The following NR3C2 variants were observed in gnomAD, a reference collection of about 807,000 sequenced individuals.
NR3C2 encodes the protein nuclear receptor subfamily 3 group C member 2.
Under a neutral mutation model 86.4 loss-of-function variants are expected in NR3C2, and 15 were observed. The observed-to-expected ratio is 0.17, with a 90% CI of 0.12 to 0.27. The LOEUF is 0.27. Among genes scored for constraint, NR3C2 ranks in the 10% least tolerant of loss-of-function variants. The pLI is 1.00. For synonymous variants in NR3C2, 458 were observed against 450.5 expected, an observed-to-expected ratio of 1.02 and a Z score of -0.21; for missense variants, 960 against 1,195.6, an observed-to-expected ratio of 0.80 and a Z score of 2.91.
chr4:148,390,777 C>T (rs1420799585), intron 2 of NR3C2, among the ~76,000 whole-genome samples: 2 of 152,162 alleles, frequency 1.3e-5, no homozygotes, highest in Non-Finnish European at 2.9e-5. Flanking sequence ...CAGATTTTGA[C>T]AGGCCCCAAA....
chr4:148,366,830 C>A (rs181551237), intron 2 of NR3C2, among the ~76,000 whole-genome samples: 2 of 152,178 alleles, frequency 1.3e-5, no homozygotes, highest in South Asian at 4.1e-4. Flanking sequence ...GCTATCATAA[C>A]AATAACATGA....
intron 8 of NR3C2, among the ~76,000 whole-genome samples, chr4:148,093,507 C>T (rs2149711324): frequency 6.6e-6 from 1 of 152,340 alleles, no homozygotes; most frequent in East Asian, 1.9e-4. Flanking sequence ...TCCAGAATGT[C>T]TACCTAATTG....
At position 148,264,317 on chromosome 4, in the gene NR3C2, T is replaced by C. The variant is rs72655247; in HGVS notation, c.1758-4200A>G. ...AAAAGATGGCACATGGTTGGAAAAT[T>C]GTTTGCATCCAGTTTTAAGAAACAC... On this transcript the variant is annotated intron_variant, in intron 2 of 8. Transcript: ENST00000358102. Among the ~76,000 whole-genome samples the C allele has an allele frequency of 5.3e-5, 8 of 152,334 alleles. No homozygotes were observed. In the East Asian group the frequency reaches 9.6e-4, roughly 18 times the overall value.
chr4:148,113,961 C>T, intron 8 of NR3C2, 143 bp downstream of exon 8: 1 of 1,000,896 alleles, frequency 1.0e-6, no homozygotes, highest in South Asian at 1.4e-5. Flanking sequence ...TCTTCAGCCC[C>T]TTGGACATGG....
At chr4:148,439,087 C>T (rs1356643489) in intron 1 of NR3C2, among the ~76,000 whole-genome samples, 2 of 152,016 alleles carry the variant, frequency 1.3e-5, no homozygotes, top group Non-Finnish European at 2.9e-5. Flanking sequence ...TGGATGAAAG[C>T]CAAGTAAAAG....
chr4:148,221,190 A>C (rs1737822212), intron 3 of NR3C2, among the ~76,000 whole-genome samples: 1 of 152,242 alleles, frequency 6.6e-6, no homozygotes, highest in Non-Finnish European at 1.5e-5. Context: ...TTTTTGTCAG[A>C]ATACAGTGGC....
intron 3 of NR3C2, among the ~76,000 whole-genome samples, chr4:148,230,071 TTC>T (rs1444715125): frequency 1.3e-5 from 2 of 152,306 alleles, no homozygotes; most frequent in East Asian, 1.9e-4. Context: ...ATTGGGACAA[TTC>T]TCTCTCTCTT....
At chr4:148,186,984 GTGTGTA>G (rs1157714872) in intron 4 of NR3C2, among the ~76,000 whole-genome samples, 466 of 38,452 alleles carry the variant, frequency 0.012, 86 homozygotes, top group African/African-American at 0.019. Flanking sequence ...TCATACTGAT[GTGTGTA>G]TGTATGTATA....
At chr4:148,178,956 A>T (rs980771662) in intron 4 of NR3C2, among the ~76,000 whole-genome samples, 2 of 151,294 alleles carry the variant, frequency 1.3e-5, no homozygotes, top group Non-Finnish European at 3.0e-5. Context: ...AACAAAAAAA[A>T]ACAACAAAAC....
rs1391234652 is a variant in NR3C2 at position 148,442,413 on chromosome 4, A to AGGAGGG, written c.-257_-256insCCCTCC. 2 of 150,338 alleles carry AGGAGGG rather than the reference A, an allele frequency of 1.3e-5. No homozygotes were observed. The highest frequency in any genetic ancestry group is 2.5e-5 in the African/African-American group (1 of 39,824). 9.3% of individuals were successfully genotyped at this position (150,338 alleles called of 1,614,324 possible). On this transcript the variant is annotated 5_prime_UTR_variant, in exon 1 of 9. Transcript: ENST00000358102. ...ACACCCCGGGCGCGGAGGGGCTGAG[A>AGGAGGG]GGAGGGGGCAGGGGCAGGGGCAGGG... is the stretch of plus-strand genomic sequence containing the variant.
In NR3C2 at chr4:148,372,793, A is replaced by G. The variant is rs979601082; in HGVS notation, c.1757+62311T>C. ...TAAGGGATAATAACCAAGATTAAAT[A>G]TGCTAATCCTTCCACTGATTTCTGA... On this transcript the variant is annotated intron_variant, in intron 2 of 8. Coordinates refer to ENST00000358102, the MANE Select transcript of NR3C2 (RefSeq NM_000901.5). Among the ~76,000 whole-genome samples, 7 of 152,340 alleles carry G rather than the reference A, an allele frequency of 4.6e-5. No individual in the cohort carries two copies. The South Asian group carries it at 1.2e-3, about 27-fold the overall frequency.
chr4:148,161,414 G>A (rs745451463), intron 4 of NR3C2, among the ~76,000 whole-genome samples: 33 of 151,494 alleles, frequency 2.2e-4, no homozygotes, highest in Non-Finnish European at 3.7e-4. Context: ...CAGTGTCACC[G>A]TATCGGCTCA....
chr4:148,318,739 T>G (rs1010671932), intron 2 of NR3C2, among the ~76,000 whole-genome samples: 11 of 152,198 alleles, frequency 7.2e-5, no homozygotes, highest in Non-Finnish European at 1.0e-4. Flanking sequence ...TTTTTTCTTG[T>G]AAATTTGTTT....
intron 3 of NR3C2, among the ~76,000 whole-genome samples, chr4:148,251,400 C>T (rs1394414753): frequency 2.0e-5 from 3 of 152,200 alleles, no homozygotes; most frequent in Non-Finnish European, 4.4e-5. Context: ...GGTGTCAAAT[C>T]ATTCTCAGTA....
At chr4:148,090,856 T>C (rs540291069) in intron 8 of NR3C2, among the ~76,000 whole-genome samples, 2 of 152,376 alleles carry the variant, frequency 1.3e-5, no homozygotes, top group East Asian at 3.9e-4. Flanking sequence ...CTTCTGTTTA[T>C]GCCTCGGTCA....
At chr4:148,184,255 C>T (rs1422334302) in intron 4 of NR3C2, among the ~76,000 whole-genome samples, 1 of 151,352 alleles carries the variant, frequency 6.6e-6, no homozygotes, top group Non-Finnish European at 1.5e-5. Context: ...TCGAGACCAG[C>T]CTGGCCAACA....
intron 3 of NR3C2, among the ~76,000 whole-genome samples, chr4:148,201,901 C>T (rs1296254199): frequency 6.6e-6 from 1 of 152,110 alleles, no homozygotes; most frequent in East Asian, 1.9e-4. Context: ...TTTTATCAAG[C>T]AAGACACTGC....
rs1375693723 is a variant in NR3C2, at chr4:148,363,504, C to CTTTTTTT, written c.1757+71599_1757+71600insAAAAAAA. ...ATTAAAGTCTAGACTTCTCATAGAT[C>CTTTTTTT]TCTTTTTTTTTTTTTTTGAGACGGA... On this transcript the variant is annotated intron_variant, in intron 2 of 8. Coordinates refer to ENST00000358102, the MANE Select transcript of NR3C2 (RefSeq NM_000901.5). Among the ~76,000 whole-genome samples, 207 of 69,830 alleles carry CTTTTTTT rather than the reference C, an allele frequency of 3.0e-3. 8 individuals are homozygous for CTTTTTTT. The highest frequency in any genetic ancestry group is 0.027 in the Middle Eastern group (3 of 110). The allele number at this position is 69,830 out of a possible 152,430, so 45.8% of individuals were successfully genotyped here.
chr4:148,089,787 G>A (rs930402563), intron 8 of NR3C2, among the ~76,000 whole-genome samples: 1 of 152,236 alleles, frequency 6.6e-6, no homozygotes, highest in Non-Finnish European at 1.5e-5. Flanking sequence ...GTGCCACCAT[G>A]AGTCAGCAGT....
Sources: allele counts gnomAD v4.1 joint callset (sites outside exome capture counted in the v4.1 genomes callset), GRCh38; gene constraint gnomAD v4.1.1; transcripts MANE v1.5; gene names NCBI Gene and HGNC (gene_info 2026-07-23, HGNC 2026-07-21).